The following FAAH2 variants were observed in gnomAD, a reference collection of about 807,000 sequenced individuals.
FAAH2 encodes fatty acid amide hydrolase 2, also known as fatty-acid amide hydrolase 2.
Under a neutral mutation model 36.9 loss-of-function variants are expected in FAAH2, and 60 were observed. That is an observed-to-expected ratio of 1.63 (90% CI 1.32 to 2.02). The LOEUF (loss-of-function observed/expected upper bound fraction) is 2.02, where lower values mean the gene tolerates loss of function less well. FAAH2 is among the 30% of genes most tolerant of loss of function. FAAH2 has a pLI of 0.00. For synonymous variants in FAAH2, 214 were observed against 143.8 expected (o/e 1.49, Z -3.49); for missense variants, 689 against 397.5 (o/e 1.73, Z -6.23).
At chrX:57,181,364 A>G in the FAAH2 span, among the ~76,000 whole-genome samples, 4 of 112,208 alleles carry the variant, frequency 3.6e-5, no homozygotes, top group Non-Finnish European at 5.6e-5. Context: ...CAAAAGTTTC[A>G]TAATTGAAAA....
chrX:57,349,407 GTATATACACATATATACATATATATACA>G (rs1400318891), intron 5 of FAAH2, among the ~76,000 whole-genome samples: 4 of 92,172 alleles, frequency 4.3e-5, no homozygotes, highest in South Asian at 9.7e-4. Flanking sequence ...ATATATGTGT[GTATATACACATATATACATATATATACA>G]TATATACACA....
At chrX:57,196,353 T>C in the FAAH2 span, among the ~76,000 whole-genome samples, 1 of 112,091 alleles carries the variant, frequency 8.9e-6, no homozygotes, top group South Asian at 3.7e-4. Flanking sequence ...CTTGATTTGA[T>C]TCTCAGCTTG....
chrX:57,219,204 A>G, the FAAH2 span, among the ~76,000 whole-genome samples: 2 of 111,751 alleles, frequency 1.8e-5, no homozygotes, highest in Non-Finnish European at 3.8e-5. Flanking sequence ...CTTGGTGCTA[A>G]CGCCATTTTA....
At chrX:57,242,801 G>T in the FAAH2 span, among the ~76,000 whole-genome samples, 2 of 112,122 alleles carry the variant, frequency 1.8e-5, no homozygotes, top group South Asian at 3.7e-4. Context: ...CACTACCAAG[G>T]CCCTGCATTT....
At chrX:57,235,969 C>A in the FAAH2 span, among the ~76,000 whole-genome samples, 1 of 112,236 alleles carries the variant, frequency 8.9e-6, no homozygotes, top group Non-Finnish European at 1.9e-5. Context: ...GAACTTTGTA[C>A]CAATTGAGCA....
At chrX:57,450,401 G>T (rs2056762808) in intron 10 of FAAH2, among the ~76,000 whole-genome samples, 1 of 111,174 alleles carries the variant, frequency 9.0e-6, no homozygotes, top group Non-Finnish European at 1.9e-5. Context: ...TGTATAAAGT[G>T]ATTTAAGGGT....
chrX:57,454,060 C>CA (rs2056829380), intron 10 of FAAH2, among the ~76,000 whole-genome samples: 1 of 111,295 alleles, frequency 9.0e-6, no homozygotes, highest in African/African-American at 3.3e-5. Context: ...GTGAGCGAGT[C>CA]ACCTCTCTCC....
At chrX:57,212,240 C>T in the FAAH2 span, among the ~76,000 whole-genome samples, 2 of 111,557 alleles carry the variant, frequency 1.8e-5, no homozygotes, top group African/African-American at 6.5e-5. Context: ...TCTCTACAAA[C>T]AAAAAAAGTA....
chrX:57,305,062 T>TTGG (rs2052482008), intron 2 of FAAH2, among the ~76,000 whole-genome samples: 2 of 103,783 alleles, frequency 1.9e-5, no homozygotes, highest in Admixed American at 1.1e-4. Flanking sequence ...TTCTGTAATT[T>TTGG]TGTGTGTGTG....
intron 7 of FAAH2, among the ~76,000 whole-genome samples, chrX:57,414,793 A>C (rs1163006565): frequency 9.3e-6 from 1 of 107,210 alleles, no homozygotes; most frequent in Non-Finnish European, 1.9e-5. Context: ...AAGAAATGGT[A>C]TCAACTCCTC....
chrX:57,282,226 C>T (rs2051761414), upstream of FAAH2, among the ~76,000 whole-genome samples: 1 of 112,000 alleles, frequency 8.9e-6, no homozygotes, highest in African/African-American at 3.2e-5. Context: ...ACCTCACCAG[C>T]ATGTGTTAGT....
the FAAH2 span, among the ~76,000 whole-genome samples, chrX:57,252,978 A>C: frequency 8.9e-6 from 1 of 111,876 alleles, no homozygotes; most frequent in Non-Finnish European, 1.9e-5. Flanking sequence ...GAGCTAAAGG[A>C]GCATGATCTA....
At chrX:57,284,128 T>C (rs773712052), upstream of FAAH2, among the ~76,000 whole-genome samples, 6 of 112,213 alleles carry the variant, frequency 5.3e-5, no homozygotes, top group South Asian at 3.7e-4. Context: ...AGTGTGGAGC[T>C]GCTTCCAGCC....
At chrX:57,392,965 T>C in intron 7 of FAAH2, 1 of 921,220 alleles carries the variant, frequency 1.1e-6, no homozygotes, top group Non-Finnish European at 1.6e-6. Context: ...TGTGCAATGA[T>C]CCTGATTTTA....
chrX:57,337,931 G>C lies in FAAH2; in HGVS notation c.623-3340G>C, dbSNP rs750724952. Among the ~76,000 whole-genome samples, 18 of 111,845 alleles carry C rather than the reference G, an allele frequency of 1.6e-4. No individual in the cohort carries two copies. In the East Asian group the frequency reaches 5.1e-3, roughly 32 times the overall value. Reference sequence around the variant, plus strand: ...CAATTAGGCAAGAAAAAGAAATAAAGCATATTCAAATAGGAAGAGAGGAAG... The same window carrying C: ...CAATTAGGCAAGAAAAAGAAATAAACCATATTCAAATAGGAAGAGAGGAAG... On this transcript the variant is annotated intron_variant, in intron 4 of 10. Coordinates refer to ENST00000374900, the MANE Select transcript of FAAH2 (RefSeq NM_174912.4).
chrX:57,394,782 C>T, intron 7 of FAAH2: 3 of 971,055 alleles, frequency 3.1e-6, no homozygotes, highest in African/African-American at 3.8e-5. Context: ...GTTGCAACCA[C>T]CAGGATGTCG....
intron 3 of FAAH2, among the ~76,000 whole-genome samples, chrX:57,324,272 A>G (rs1189656816): frequency 1.8e-5 from 2 of 112,007 alleles, no homozygotes; most frequent in African/African-American, 3.2e-5. Flanking sequence ...GTCAGGTAGC[A>G]TGATGCCTCC....
the FAAH2 span, among the ~76,000 whole-genome samples, chrX:57,193,859 C>A: frequency 8.9e-6 from 1 of 111,770 alleles, no homozygotes; most frequent in African/African-American, 3.2e-5. Context: ...TCTTGCATTG[C>A]AAGAATAAAT....
chrX:57,445,135 T>C (rs2056647724), intron 8 of FAAH2, among the ~76,000 whole-genome samples: 1 of 111,656 alleles, frequency 9.0e-6, no homozygotes, highest in African/African-American at 3.3e-5. Context: ...ATTGAAAGAC[T>C]TCCCGTGTAT....
Sources: allele counts gnomAD v4.1 joint callset (sites outside exome capture counted in the v4.1 genomes callset), GRCh38; gene constraint gnomAD v4.1.1; transcripts MANE v1.5; gene names NCBI Gene and HGNC (gene_info 2026-07-23, HGNC 2026-07-21).